The following CSMD1 variants were observed in gnomAD, a reference collection of about 807,000 sequenced individuals.
CSMD1 encodes CUB and Sushi multiple domains 1, also known as CUB and sushi domain-containing protein 1.
In CSMD1, 213 loss-of-function variants were observed where a neutral mutation model predicts 417.5. That is an observed-to-expected ratio of 0.51 (90% CI 0.46 to 0.57). The LOEUF is 0.57. Ranked by LOEUF, CSMD1 falls within the 20% of genes least tolerant of loss-of-function variation. The pLI is 0.00. For synonymous variants in CSMD1, 2,862 were observed against 1,736.8 expected, an observed-to-expected ratio of 1.65 and a Z score of -16.11; for missense variants, 6,923 against 4,529.7, an observed-to-expected ratio of 1.53 and a Z score of -15.17.
chr8:3,556,732 C>G (rs537280215), intron 10 of CSMD1, among the ~76,000 whole-genome samples: 1 of 152,078 alleles, frequency 6.6e-6, no homozygotes, highest in African/African-American at 2.4e-5. Flanking sequence ...AACTTCTCCT[C>G]TCTCAAAGCT....
At chr8:3,764,157 C>G (rs1287832696) in intron 5 of CSMD1, among the ~76,000 whole-genome samples, 1 of 152,162 alleles carries the variant, frequency 6.6e-6, no homozygotes, top group Non-Finnish European at 1.5e-5. Context: ...CTCTCTCACT[C>G]CAGGGACCCC....
At chr8:3,962,704 G>A (rs1245944529) in intron 5 of CSMD1, among the ~76,000 whole-genome samples, 3 of 152,032 alleles carry the variant, frequency 2.0e-5, no homozygotes, top group Admixed American at 6.6e-5. Context: ...GCAGAGGTGC[G>A]GCCCTTTCTT....
Position 3,147,474 on chromosome 8 carries a change from A to G in CSMD1, c.6031+3923T>C, listed in dbSNP as rs1211691113. Among the ~76,000 whole-genome samples, 8 of 152,206 alleles carry G rather than the reference A, an allele frequency of 5.3e-5. No homozygotes were observed. The East Asian group carries it at 1.4e-3, about 26-fold the overall frequency. On this transcript the variant is annotated intron_variant, in intron 40 of 69. Transcript: ENST00000635120. ...CTGAAGGAGTCTGACTCCAGCATCC[A>G]AGGAACTGGAGCTGCTTCGGGAAGA...
chr8:4,504,604 G>A (rs776209426), intron 2 of CSMD1, among the ~76,000 whole-genome samples: 7 of 152,074 alleles, frequency 4.6e-5, no homozygotes, highest in African/African-American at 1.4e-4. Context: ...CATGCATTAG[G>A]CATTTGTCCT....
chr8:3,946,300 A>G (rs542308553), intron 5 of CSMD1, among the ~76,000 whole-genome samples: 2 of 152,258 alleles, frequency 1.3e-5, no homozygotes, highest in East Asian at 3.9e-4. Context: ...CCTCAGTGGA[A>G]GTGTTATCTC....
At chr8:3,451,428 C>A (rs1034355818) in intron 12 of CSMD1, among the ~76,000 whole-genome samples, 2 of 152,126 alleles carry the variant, frequency 1.3e-5, no homozygotes, top group East Asian at 3.9e-4. Context: ...AGGTGTTCTT[C>A]TAGGGTTTTT....
At chr8:3,042,315 T>C (rs1199427181) in intron 50 of CSMD1, among the ~76,000 whole-genome samples, 1 of 152,094 alleles carries the variant, frequency 6.6e-6, no homozygotes, top group East Asian at 1.9e-4. Flanking sequence ...ACTGACCTTT[T>C]GGCCTGAATT....
chr8:4,534,013 G>C (rs756374652), intron 2 of CSMD1, among the ~76,000 whole-genome samples: 6 of 151,462 alleles, frequency 4.0e-5, no homozygotes, highest in East Asian at 3.9e-4. Flanking sequence ...TATAACATTT[G>C]TGGATAAACA....
At chr8:4,717,437 C>CTATATATATACAAACACTATATA (rs1563208450) in intron 1 of CSMD1, among the ~76,000 whole-genome samples, 1 of 150,210 alleles carries the variant, frequency 6.7e-6, no homozygotes, top group Non-Finnish European at 1.5e-5. Context: ...TACACATACA[C>CTATATATATACAAACACTATATA]TATATATATA....
At chr8:4,462,173 C>G (rs1159626092) in intron 2 of CSMD1, among the ~76,000 whole-genome samples, 1 of 151,960 alleles carries the variant, frequency 6.6e-6, no homozygotes, top group African/African-American at 2.4e-5. Flanking sequence ...CCACACTCAG[C>G]CACAAAAAGC....
At chr8:4,316,155 C>T (rs781636068) in intron 3 of CSMD1, among the ~76,000 whole-genome samples, 1 of 152,104 alleles carries the variant, frequency 6.6e-6, no homozygotes, top group Non-Finnish European at 1.5e-5. Context: ...TCCAAATACT[C>T]CCTTTCAATT....
intron 11 of CSMD1, among the ~76,000 whole-genome samples, chr8:3,485,709 G>C (rs1817989551): frequency 1.3e-5 from 2 of 151,578 alleles, no homozygotes; most frequent in South Asian, 4.2e-4. Context: ...GCAGTGAGTT[G>C]AGATTGTGCC....
chr8:3,907,483 G>A (rs1312148476), intron 5 of CSMD1, among the ~76,000 whole-genome samples: 1 of 152,132 alleles, frequency 6.6e-6, no homozygotes, highest in African/African-American at 2.4e-5. Flanking sequence ...GGTAAAAAAT[G>A]TTACAGTGGC....
intron 2 of CSMD1, among the ~76,000 whole-genome samples, chr8:4,451,410 A>C (rs1799138348): frequency 6.6e-6 from 1 of 152,202 alleles, no homozygotes; most frequent in South Asian, 2.1e-4. Context: ...TGCTATGATC[A>C]GTGTTTTCCA....
chr8:4,192,666 A>C (rs1216788183), intron 3 of CSMD1, among the ~76,000 whole-genome samples: 1 of 152,270 alleles, frequency 6.6e-6, no homozygotes, highest in East Asian at 1.9e-4. Flanking sequence ...AAAAACCTTA[A>C]ATCTGCACTT....
chr8:4,708,402 T>C lies in CSMD1; in HGVS notation c.86-70844A>G, dbSNP rs56953396. Among the ~76,000 whole-genome samples, 1,080 of 152,318 alleles carry C rather than the reference T, an allele frequency of 7.1e-3. 12 individuals are homozygous for C. The highest frequency in any genetic ancestry group is 0.023 in the African/African-American group (942 of 41,560). On this transcript the variant is annotated intron_variant, in intron 1 of 69. Coordinates refer to ENST00000635120, the MANE Select transcript of CSMD1 (RefSeq NM_033225.6). ...TCTGTTCAGTGCCTAAAACTGAATA[T>C]GTATCTGGTAAAAAGTAAAACTGCT...
intron 7 of CSMD1, among the ~76,000 whole-genome samples, chr8:3,654,976 A>C (rs1798031920): frequency 6.6e-6 from 1 of 152,204 alleles, no homozygotes; most frequent in Non-Finnish European, 1.5e-5. Context: ...TCAAACTGAA[A>C]ATGCCAGGTG....
At chr8:4,910,547 CT>C (rs752930063) in intron 1 of CSMD1, among the ~76,000 whole-genome samples, 10 of 152,116 alleles carry the variant, frequency 6.6e-5, no homozygotes, top group Non-Finnish European at 1.5e-5. Context: ...ATCTCTGAAG[CT>C]TTTTTATAGA....
chr8:3,991,556 T>G (rs1343476289), intron 5 of CSMD1, among the ~76,000 whole-genome samples: 3 of 152,180 alleles, frequency 2.0e-5, no homozygotes, highest in African/African-American at 7.2e-5. Context: ...TAGTGAATAA[T>G]GCTGGAAAGA....
Sources: gnomAD v4.1 joint callset for allele counts (sites outside exome capture counted in the v4.1 genomes callset) on GRCh38, gnomAD v4.1.1 for gene constraint, MANE v1.5 for transcripts, NCBI Gene and HGNC (gene_info 2026-07-23, HGNC 2026-07-21) for gene names.